Variants in KIF6 observed in about 807,000 individuals in gnomAD.
KIF6 encodes the protein kinesin family member 6.
In KIF6, 106 loss-of-function variants were observed where a neutral mutation model predicts 112.7. The observed-to-expected ratio is 0.94, with a 90% CI of 0.80 to 1.11. The LOEUF is 1.11. KIF6 is among the 50% of genes least tolerant of loss of function. The pLI is 0.00. For missense variants in KIF6, 929 were observed against 964.0 expected (o/e 0.96, Z 0.48); for synonymous variants, 339 against 339.9 (o/e 1.00, Z 0.03).
intron 15 of KIF6, among the ~76,000 whole-genome samples, chr6:39,393,560 GTAAA>G (rs1768041344): frequency 6.6e-6 from 1 of 152,082 alleles, no homozygotes. Flanking sequence ...AGCATAAAAT[GTAAA>G]TAAAATATTT....
chr6:39,413,448 C>T (rs1286209130), intron 15 of KIF6, among the ~76,000 whole-genome samples: 1 of 152,102 alleles, frequency 6.6e-6, no homozygotes, highest in Non-Finnish European at 1.5e-5. Context: ...AAGCACCTGC[C>T]TGAGGAGTGG....
intron 6 of KIF6, among the ~76,000 whole-genome samples, chr6:39,600,893 C>T (rs1782530499): frequency 6.6e-6 from 1 of 152,104 alleles, no homozygotes; most frequent in South Asian, 2.1e-4. Context: ...AGCAAATTTA[C>T]ATGAAGTAAT....
In KIF6 at chr6:39,333,978, A is replaced by G. The variant is rs1179546735; in HGVS notation, c.*2554T>C. The G allele has an allele frequency of 6.6e-6, 1 of 152,220 alleles. No individual in the cohort carries two copies. The allele number at this position is 152,220 out of a possible 1,614,324, so 9.4% of individuals were successfully genotyped here. A position where few individuals can be genotyped will look rare whatever the true frequency, so the allele number is the denominator to read the frequency against. ...TCAAAACATTGCATCAATTTCTCCCATTTGCAGAGGCCAGTGAACTCTGGG... is the reference window on the plus strand; with the variant it reads ...TCAAAACATTGCATCAATTTCTCCCGTTTGCAGAGGCCAGTGAACTCTGGG... On this transcript the variant is annotated 3_prime_UTR_variant, in exon 23 of 23. Transcript: ENST00000287152.
At chr6:39,669,288 CTCTGAT>C (rs1470185747) in intron 3 of KIF6, among the ~76,000 whole-genome samples, 1 of 152,184 alleles carries the variant, frequency 6.6e-6, no homozygotes, top group Admixed American at 6.5e-5. Context: ...ACCACCACCA[CTCTGAT>C]TCTAAGAGGA....
chr6:39,529,780 C>T (rs2150541031), intron 13 of KIF6, among the ~76,000 whole-genome samples: 1 of 151,726 alleles, frequency 6.6e-6, no homozygotes, highest in South Asian at 2.1e-4. Flanking sequence ...GAGCGAGACT[C>T]CGTCTCAAAA....
At chr6:39,483,428 T>C (rs1045848807) in intron 13 of KIF6, among the ~76,000 whole-genome samples, 2 of 152,170 alleles carry the variant, frequency 1.3e-5, no homozygotes, top group South Asian at 4.1e-4. Context: ...GCATCTGGGA[T>C]TATGGGGAAA....
chr6:39,336,882 T>TCCTTCCTTCCCTTCCTTCCCTTTCTTCC (rs1762937014), intron 22 of KIF6, among the ~76,000 whole-genome samples: 2 of 150,190 alleles, frequency 1.3e-5, no homozygotes, highest in Non-Finnish European at 3.0e-5. Flanking sequence ...TCCTTTCTTC[T>TCCTTCCTTCCCTTCCTTCCCTTTCTTCC]GTCCTTCCTT....
intron 5 of KIF6, among the ~76,000 whole-genome samples, chr6:39,614,911 T>A (rs1783419557): frequency 6.6e-6 from 1 of 152,210 alleles, no homozygotes; most frequent in Non-Finnish European, 1.5e-5. Context: ...GACACGGAAG[T>A]AATGATTCTT....
intron 3 of KIF6, among the ~76,000 whole-genome samples, chr6:39,641,868 C>A (rs983127682): frequency 8.5e-5 from 13 of 152,124 alleles, no homozygotes; most frequent in Non-Finnish European, 1.5e-5. Context: ...CTCCCCCTAC[C>A]CCCATCTACT....
chr6:39,422,939 G>C (rs535551258), intron 14 of KIF6, among the ~76,000 whole-genome samples: 1 of 152,334 alleles, frequency 6.6e-6, no homozygotes, highest in South Asian at 2.1e-4. Flanking sequence ...GATATCCTAA[G>C]GTGCTGCTCA....
chr6:39,578,435 C>A (rs1781097733), intron 9 of KIF6, among the ~76,000 whole-genome samples: 1 of 149,130 alleles, frequency 6.7e-6, no homozygotes, highest in African/African-American at 2.5e-5. Context: ...CGGGTTCAAG[C>A]GATTCTCCTG....
chr6:39,633,995 A>G (rs1784488692), intron 5 of KIF6, among the ~76,000 whole-genome samples: 2 of 152,206 alleles, frequency 1.3e-5, no homozygotes, highest in South Asian at 4.1e-4. Flanking sequence ...TATTTCTTCG[A>G]ATATATTCAC....
At chr6:39,672,762 G>A (rs1468760598) in intron 3 of KIF6, among the ~76,000 whole-genome samples, 1 of 151,926 alleles carries the variant, frequency 6.6e-6, no homozygotes, top group Non-Finnish European at 1.5e-5. Flanking sequence ...ATAAAGTCTT[G>A]GTCTTATCTG....
chr6:39,583,674 CTTTTTTTTTTTTTTTTTTTTTTT>C (rs564229262), intron 9 of KIF6, among the ~76,000 whole-genome samples: 2 of 71,688 alleles, frequency 2.8e-5, no homozygotes, highest in East Asian at 9.0e-4. Flanking sequence ...GATTTCACTT[CTTTTTTTTTTTTTTTTTTTTTTT>C]TTTTTTTTTT....
intron 10 of KIF6, among the ~76,000 whole-genome samples, chr6:39,576,334 G>T (rs1582175547): frequency 6.6e-6 from 1 of 152,030 alleles, no homozygotes; most frequent in African/African-American, 2.4e-5. Context: ...ATGTTGGTCA[G>T]GATGGCCTCG....
intron 22 of KIF6, among the ~76,000 whole-genome samples, chr6:39,341,566 T>C (rs1029377745): frequency 2.6e-5 from 4 of 152,180 alleles, no homozygotes; most frequent in African/African-American, 7.2e-5. Flanking sequence ...CTTGCATATT[T>C]CTTTTTCTAG....
chr6:39,725,273 T>C lies in KIF6; in HGVS notation c.38A>G (p.Lys13Arg), dbSNP rs772598731. The C allele has an allele frequency of 6.2e-7, 1 of 1,610,748 alleles. No homozygotes were observed. The highest frequency in any genetic ancestry group is 1.1e-5 in the South Asian group (1 of 90,528). ...KQTIQIFARV[K>R]PPVRKHQQGI... The stretch of plus-strand genomic sequence containing the variant: ...TTGTTGGTGCTTCCGGACAGGGGGC[T>C]TCACCCTCGCGAATATCTGGATAGT... The change falls in exon 1 of 23, where the codon AAG becomes AGG. Residue 13 changes from lysine (K) to arginine (R), a missense_variant. Physicochemically the swap from Lys to Arg is conservative, Grantham distance 26. Around this residue, in one of 2 missense-constraint regions of KIF6, gnomAD observed 688 missense variants for 662.7 expected, o/e 1.04. Transcript: ENST00000287152.
intron 3 of KIF6, among the ~76,000 whole-genome samples, chr6:39,670,998 A>C (rs1424297701): frequency 2.0e-5 from 3 of 152,236 alleles, no homozygotes; most frequent in African/African-American, 7.2e-5. Context: ...TTTTAATTCC[A>C]TATGTATTTT....
chr6:39,572,347 A>G (rs1780687479), intron 10 of KIF6, among the ~76,000 whole-genome samples: 1 of 152,180 alleles, frequency 6.6e-6, no homozygotes, highest in African/African-American at 2.4e-5. Context: ...ATAAAACTGT[A>G]ACTCCTTGGA....
Sources: gnomAD v4.1 joint callset for allele counts (sites outside exome capture counted in the v4.1 genomes callset) on GRCh38, gnomAD v4.1.1 for gene constraint, gnomAD v4.1.1 regional missense constraint, MANE v1.5 for transcripts, NCBI Gene and HGNC (gene_info 2026-07-23, HGNC 2026-07-21) for gene names.